The following SUZ12 variants were observed in gnomAD, a reference collection of about 807,000 sequenced individuals.
SUZ12 encodes the protein SUZ12 polycomb repressive complex 2 subunit.
SUZ12 carries 17 observed loss-of-function variants against 87.3 expected under a neutral mutation model. The observed-to-expected ratio is 0.19, with a 90% confidence interval of 0.13 to 0.29. The LOEUF is 0.29. Ranked by LOEUF, SUZ12 falls within the 10% of genes least tolerant of loss-of-function variation. SUZ12 has a pLI of 1.00. For synonymous variants in SUZ12, 253 were observed against 312.4 expected (o/e 0.81, Z 2.01); for missense variants, 526 against 912.2 (o/e 0.58, Z 5.45).
rs555707802 is a variant in SUZ12, at chr17:31,962,275, GA to G, written c.456-3862del. 1.1e-4 allele frequency among the ~76,000 whole-genome samples: 16 copies of G among 149,592 alleles called. No individual in the cohort carries two copies. In the South Asian group the frequency reaches 2.1e-3, roughly 20 times the overall value. ...ACATAGCGAGACCCTGTCTCTAAAAGAAAAAAAAAATAATTGAATTAAAACC... is the reference window on the plus strand; with the variant it reads ...ACATAGCGAGACCCTGTCTCTAAAAGAAAAAAAAATAATTGAATTAAAACC... On this transcript the variant is annotated intron_variant, in intron 4 of 15. Transcript: ENST00000322652.
At chr17:31,948,324 C>T (rs2627066) in intron 4 of SUZ12, among the ~76,000 whole-genome samples, 5 of 151,964 alleles carry the variant, frequency 3.3e-5, no homozygotes, top group South Asian at 2.1e-4. Context: ...TTTTTTGACA[C>T]GTAAACTTTA....
At chr17:31,947,196 T>C (rs1346764049) in intron 3 of SUZ12, among the ~76,000 whole-genome samples, 1 of 152,218 alleles carries the variant, frequency 6.6e-6, no homozygotes, top group East Asian at 1.9e-4. Context: ...TATAAGGCAC[T>C]ATGCCAGCAC....
intron 10 of SUZ12, among the ~76,000 whole-genome samples, chr17:31,989,581 T>C (rs1909595511): frequency 7.3e-6 from 1 of 136,920 alleles, no homozygotes; most frequent in Non-Finnish European, 1.5e-5. Flanking sequence ...TGGAACTAAG[T>C]TGTTTTTTTT....
intron 5 of SUZ12, 57 bp downstream of exon 5, chr17:31,966,253 G>A (rs1490258176): frequency 5.2e-5 from 72 of 1,383,540 alleles, no homozygotes; most frequent in Non-Finnish European, 6.6e-5. Context: ...CTTTGTGAAT[G>A]TAAAAAAAGT....
intron 10 of SUZ12, among the ~76,000 whole-genome samples, chr17:31,990,525 T>C (rs1413171330): frequency 6.6e-6 from 1 of 151,956 alleles, no homozygotes; most frequent in Non-Finnish European, 1.5e-5. Flanking sequence ...CCACTAGGCC[T>C]GGCTAATTTT....
rs12943638 is a variant in SUZ12, at chr17:31,978,686, A to G, written c.917+2072A>G. On this transcript the variant is annotated intron_variant, in intron 8 of 15. Coordinates refer to ENST00000322652, the MANE Select transcript of SUZ12 (RefSeq NM_015355.4). ...TTTTAGGCAGCATGGGGTATGTTCT[A>G]TTTTCTTTTTTAATCACTGTACCTG... is the stretch of plus-strand genomic sequence containing the variant. Among the ~76,000 whole-genome samples, 988 of 152,152 alleles carry G rather than the reference A, an allele frequency of 6.5e-3. 11 individuals are homozygous for G. The highest frequency in any genetic ancestry group is 0.019 in the African/African-American group (774 of 41,480).
chr17:31,954,416 C>T (rs1460632966), intron 4 of SUZ12, among the ~76,000 whole-genome samples: 1 of 152,062 alleles, frequency 6.6e-6, no homozygotes, highest in Non-Finnish European at 1.5e-5. Context: ...CTTTTCTAAA[C>T]CTCCCCCTTT....
chr17:31,998,975 C>A lies in SUZ12; in HGVS notation c.2192C>A (p.Ser731Ter). ...ALETDSVSGV[S>*]KQSKKQKL Reference sequence around the variant, plus strand: ...GAAACAGATAGTGTCTCAGGGGTTTCAAAACAGAGCAAAAAACAAAAACTC... The same window carrying A: ...GAAACAGATAGTGTCTCAGGGGTTTAAAAACAGAGCAAAAAACAAAAACTC... The change falls in exon 16 of 16, where the codon TCA becomes TAA. Residue 731 changes from serine (S) to a stop codon, truncating the protein, a stop_gained. Coordinates refer to ENST00000322652, the MANE Select transcript of SUZ12 (RefSeq NM_015355.4). LOFTEE classifies it high-confidence loss of function. 6.4e-7 allele frequency: 1 copy of A among 1,556,668 alleles called. No homozygotes were observed. The highest frequency in any genetic ancestry group is 2.2e-5 in the Admixed American group (1 of 45,454).
Position 31,937,125 on chromosome 17 carries a change from CT to C in SUZ12, c.-121del, listed in dbSNP as rs887737417. 5 of 849,786 alleles carry C rather than the reference CT, an allele frequency of 5.9e-6. No homozygotes were observed. Among genetic ancestry groups the C allele is most frequent in the African/African-American group, 5.4e-5 (3 of 55,736 alleles). The allele number at this position is 849,786 out of a possible 1,614,324, so 52.6% of individuals were successfully genotyped here. On this transcript the variant is annotated 5_prime_UTR_variant, in exon 1 of 16. Transcript: ENST00000322652. Reference sequence around the variant, plus strand: ...CTCCCTTCCCTTCCCCTCTCCTCCCCTCTCTCCTCCTTCCCCCCTCGGTCCG... The same window carrying C: ...CTCCCTTCCCTTCCCCTCTCCTCCCCCTCTCCTCCTTCCCCCCTCGGTCCG...
At chr17:31,968,563 A>G (rs966653345) in intron 5 of SUZ12, among the ~76,000 whole-genome samples, 14 of 152,096 alleles carry the variant, frequency 9.2e-5, no homozygotes, top group Non-Finnish European at 1.5e-5. Context: ...GAAATTTGAA[A>G]TCTCGTATTT....
Position 31,957,672 on chromosome 17 carries a change from A to G in SUZ12, c.456-8475A>G, listed in dbSNP as rs573898846. ...GTGATCTGCTCGCCTCAGCCTCCCA[A>G]AGTGCTGGGATTGTAGCCGTAAGCC... On this transcript the variant is annotated intron_variant, in intron 4 of 15. Transcript: ENST00000322652. Among the ~76,000 whole-genome samples, 4 of 150,216 alleles carry G rather than the reference A, an allele frequency of 2.7e-5. No homozygotes were observed. The South Asian group carries it at 6.2e-4, about 23-fold the overall frequency.
intron 15 of SUZ12, among the ~76,000 whole-genome samples, chr17:31,998,003 C>T (rs1160989076): frequency 2.0e-5 from 3 of 151,868 alleles, no homozygotes; most frequent in Admixed American, 6.6e-5. Context: ...TTTAGGATGC[C>T]AAGGCAGGAG....
At chr17:31,937,776 C>G (rs936526258) in intron 1 of SUZ12, among the ~76,000 whole-genome samples, 11 of 131,588 alleles carry the variant, frequency 8.4e-5, no homozygotes, top group Non-Finnish European at 1.6e-4. Flanking sequence ...GACTGGGGCC[C>G]CACGTTCAGA....
chr17:31,980,180 T>G (rs1232218813), intron 8 of SUZ12, among the ~76,000 whole-genome samples: 5 of 151,870 alleles, frequency 3.3e-5, no homozygotes, highest in Admixed American at 6.6e-5. Flanking sequence ...AAAAATTTTT[T>G]TAAAGTTACA....
rs550072139 is a variant in SUZ12 at position 31,997,343 on chromosome 17, A to G, written c.1874+466A>G. Among the ~76,000 whole-genome samples, 4 of 152,182 alleles carry G rather than the reference A, an allele frequency of 2.6e-5. No homozygotes were observed. The East Asian group carries it at 5.8e-4, about 22-fold the overall frequency. ...TGTTTCTCCCATGCTTGCAAACTCTATCAGGGTTGACTCGTTCACACTCAA... is the reference window on the plus strand; with the variant it reads ...TGTTTCTCCCATGCTTGCAAACTCTGTCAGGGTTGACTCGTTCACACTCAA... On this transcript the variant is annotated intron_variant, in intron 15 of 15. Transcript: ENST00000322652.
chr17:31,991,126 G>A (rs1483899512), intron 10 of SUZ12, among the ~76,000 whole-genome samples: 1 of 152,182 alleles, frequency 6.6e-6, no homozygotes, highest in Non-Finnish European at 1.5e-5. Flanking sequence ...TTATCTGCCT[G>A]TTTAAAGAAG....
chr17:31,989,685 G>A (rs1315012130), intron 10 of SUZ12, among the ~76,000 whole-genome samples: 1 of 151,084 alleles, frequency 6.6e-6, no homozygotes, highest in Admixed American at 6.6e-5. Flanking sequence ...TGCACGCTCT[G>A]CCTCCCTGGT....
chr17:31,996,260 G>A (rs1216563128), intron 14 of SUZ12, among the ~76,000 whole-genome samples: 4 of 152,158 alleles, frequency 2.6e-5, no homozygotes, highest in Admixed American at 2.6e-4. Context: ...TTTTCTTCAA[G>A]TAAATTTGTA....
rs372652528 is a variant in SUZ12, at chr17:31,937,055, C to G, written c.-192C>G. The G allele has an allele frequency of 1.7e-5, 8 of 483,182 alleles. No individual in the cohort carries two copies. In the East Asian group the frequency reaches 1.8e-4, roughly 11 times the overall value. The allele number at this position is 483,182 out of a possible 1,614,324, so 29.9% of individuals were successfully genotyped here. On this transcript the variant is annotated 5_prime_UTR_variant, in exon 1 of 16. Transcript: ENST00000322652. ...GCGGCCTCCGAAGCGGAGCGGGGCT[C>G]TGAGGAGACACTTTTTTTTTCCTCC...
Sources: gnomAD v4.1 joint callset for allele counts (sites outside exome capture counted in the v4.1 genomes callset) on GRCh38, gnomAD v4.1.1 for gene constraint, MANE v1.5 for transcripts, NCBI Gene and HGNC (gene_info 2026-07-23, HGNC 2026-07-21) for gene names.